The following PAPSS1 variants were observed in gnomAD, a reference collection of about 807,000 sequenced individuals.
The protein encoded by PAPSS1 is 3'-phosphoadenosine 5'-phosphosulfate synthase 1.
Under a neutral mutation model 72.0 loss-of-function variants are expected in PAPSS1, and 50 were observed. The ratio of observed to expected loss-of-function variants is 0.69; its 90% CI spans 0.55 to 0.88. The LOEUF is 0.88. PAPSS1 is among the 40% of genes least tolerant of loss of function. The pLI is 0.00. For missense variants in PAPSS1, 657 were observed against 782.2 expected, an observed-to-expected ratio of 0.84 and a Z score of 1.91; for synonymous variants, 261 against 263.6, an observed-to-expected ratio of 0.99 and a Z score of 0.09.
At chr4:107,704,075 G>A (rs551617072) in intron 1 of PAPSS1, among the ~76,000 whole-genome samples, 2 of 152,106 alleles carry the variant, frequency 1.3e-5, no homozygotes, top group East Asian at 3.9e-4. Context: ...TTGGTTAAAT[G>A]TATTCCCAAG....
chr4:107,691,497 C>T (rs1179364530), intron 3 of PAPSS1, among the ~76,000 whole-genome samples: 1 of 152,112 alleles, frequency 6.6e-6, no homozygotes, highest in Non-Finnish European at 1.5e-5. Context: ...CAGGGCTTCC[C>T]AAGGGAGTAT....
chr4:107,657,932 C>T (rs1490383947), intron 6 of PAPSS1, among the ~76,000 whole-genome samples: 1 of 152,032 alleles, frequency 6.6e-6, no homozygotes. Context: ...TTACAGTGCA[C>T]CCAAGCACAC....
At chr4:107,616,128 T>A (rs1725817889) in intron 11 of PAPSS1, among the ~76,000 whole-genome samples, 2 of 152,024 alleles carry the variant, frequency 1.3e-5, no homozygotes, top group Admixed American at 1.3e-4. Flanking sequence ...AAATATGCCC[T>A]ATGTAGTCAT....
intron 4 of PAPSS1, among the ~76,000 whole-genome samples, chr4:107,683,965 G>GACACAC (rs147421960): frequency 1.2e-5 from 1 of 80,658 alleles, no homozygotes; most frequent in Admixed American, 1.3e-4. Flanking sequence ...TATGCATACA[G>GACACAC]ACACACACAC....
Position 107,687,024 on chromosome 4 carries a change from G to A in PAPSS1, c.550+15C>T, listed in dbSNP as rs979493182. The A allele has an allele frequency of 5.0e-6, 8 of 1,592,308 alleles. No homozygotes were observed. Among genetic ancestry groups the A allele is most frequent in the East Asian group, 2.3e-5 (1 of 44,116 alleles). ...TATCTAAGCAAAGTGAAACTGGGAA[G>A]AAAATATTACTGACCTTTAATTTCT... is the stretch of plus-strand genomic sequence containing the variant. On this transcript the variant is annotated intron_variant, in intron 4 of 11. Coordinates refer to ENST00000265174, the MANE Select transcript of PAPSS1 (RefSeq NM_005443.5).
chr4:107,706,732 C>T (rs902142177), intron 1 of PAPSS1, among the ~76,000 whole-genome samples: 1 of 152,174 alleles, frequency 6.6e-6, no homozygotes, highest in Non-Finnish European at 1.5e-5. Context: ...GAGGTAGGGA[C>T]TGATTCCAGT....
Position 107,693,851 on chromosome 4 carries a change from G to A in PAPSS1, c.331C>T (p.Arg111Ter), listed in dbSNP as rs142366340. The A allele has an allele frequency of 3.3e-4, 528 of 1,613,854 alleles. No individual in the cohort carries two copies. The highest frequency in any genetic ancestry group is 1.7e-4 in the Middle Eastern group (1 of 6,056). Residue 111 changes from arginine to a stop codon, truncating the protein, a stop_gained, in exon 3 of 12, where the codon CGA (arginine) becomes TGA (stop). Coordinates refer to ENST00000265174, the MANE Select transcript of PAPSS1 (RefSeq NM_005443.5). LOFTEE classifies it high-confidence loss of function. The stretch of plus-strand genomic sequence containing the variant: ...AGTTTAGCAACTTCTGCGATGCGTC[G>A]AACATTCTCTTCTCTGTCTTCAGGA... ...FSPEDREENV[R>*]RIAEVAKLFA...
intron 6 of PAPSS1, 53 bp downstream of exon 6, chr4:107,659,906 A>C: frequency 1.0e-6 from 1 of 960,206 alleles, no homozygotes; most frequent in South Asian, 1.5e-5. Flanking sequence ...AATTTAACAA[A>C]CTACTGTATA....
intron 5 of PAPSS1, among the ~76,000 whole-genome samples, chr4:107,670,901 G>A (rs374094401): frequency 3.9e-5 from 6 of 151,908 alleles, no homozygotes; most frequent in South Asian, 2.1e-4. Context: ...GTTTTAGAGC[G>A]AAAAAAAGGA....
intron 3 of PAPSS1, among the ~76,000 whole-genome samples, chr4:107,687,610 G>C (rs1722819895): frequency 6.6e-6 from 1 of 151,874 alleles, no homozygotes; most frequent in South Asian, 2.1e-4. Flanking sequence ...CCAAATGCAA[G>C]CCCCCTGCAG....
At chr4:107,643,856 T>C (rs888959271) in intron 10 of PAPSS1, among the ~76,000 whole-genome samples, 1 of 152,218 alleles carries the variant, frequency 6.6e-6, no homozygotes, top group Admixed American at 6.5e-5. Flanking sequence ...TTTTCATATA[T>C]ACTTTCTCAT....
In PAPSS1 at chr4:107,664,048, T is replaced by C. The variant is rs78230790; in HGVS notation, c.670-3976A>G. On this transcript the variant is annotated intron_variant, in intron 5 of 11. Transcript: ENST00000265174. ...GTTCTATTAAAGACAAGTAAGCAATTTGCAACCAACTGTTCCAAACCCTGC... is the reference window on the plus strand; with the variant it reads ...GTTCTATTAAAGACAAGTAAGCAATCTGCAACCAACTGTTCCAAACCCTGC... Among the ~76,000 whole-genome samples the C allele has an allele frequency of 2.1e-3, 319 of 152,248 alleles. 3 individuals carry two copies. The highest frequency in any genetic ancestry group is 7.2e-3 in the African/African-American group (299 of 41,538).
chr4:107,681,670 A>G (rs1323024509), intron 5 of PAPSS1, among the ~76,000 whole-genome samples: 1 of 152,184 alleles, frequency 6.6e-6, no homozygotes, highest in African/African-American at 2.4e-5. Context: ...AACTTTGTAT[A>G]CCTCAAATGG....
At position 107,654,830 on chromosome 4, in the gene PAPSS1, G is replaced by T. The variant is rs1312117892; in HGVS notation, c.966C>A (p.Gly322=). 13 of 1,613,922 alleles carry T rather than the reference G, an allele frequency of 8.1e-6. No individual in the cohort carries two copies. In the South Asian group the frequency reaches 1.3e-4, roughly 16 times the overall value. The part of the protein sequence containing the change: ...ATHEDKERLD[G]CTAFALMYEG... ...CATACATCAGAGCAAATGCTGTACA[G>T]CCGTCCAGCCTCTCTTTATCTTCAT... The change falls in exon 8 of 12, where the codon GGC becomes GGA. Residue 322 remains glycine (G), a synonymous_variant. Coordinates refer to ENST00000265174, the MANE Select transcript of PAPSS1 (RefSeq NM_005443.5).
At chr4:107,647,151 T>A (rs562710272) in intron 9 of PAPSS1, among the ~76,000 whole-genome samples, 1 of 152,298 alleles carries the variant, frequency 6.6e-6, no homozygotes, top group Admixed American at 6.5e-5. Context: ...GCTTACAGTC[T>A]AGTCAGAGCA....
intron 2 of PAPSS1, among the ~76,000 whole-genome samples, chr4:107,698,255 T>C (rs925222607): frequency 1.3e-5 from 2 of 152,178 alleles, no homozygotes; most frequent in South Asian, 2.1e-4. Flanking sequence ...GTTAAGCATC[T>C]GAATTGCAAG....
At chr4:107,688,926 G>A (rs1325145292) in intron 3 of PAPSS1, among the ~76,000 whole-genome samples, 3 of 152,032 alleles carry the variant, frequency 2.0e-5, no homozygotes, top group African/African-American at 7.2e-5. Flanking sequence ...CCAAATCAAG[G>A]AAGACCACAC....
intron 5 of PAPSS1, among the ~76,000 whole-genome samples, chr4:107,674,064 G>A (rs1194331138): frequency 6.6e-6 from 1 of 152,136 alleles, no homozygotes; most frequent in South Asian, 2.1e-4. Flanking sequence ...ACATAGAAAG[G>A]AACAACCGGT....
chr4:107,709,605 C>T (rs1419637910), intron 1 of PAPSS1, among the ~76,000 whole-genome samples: 3 of 152,124 alleles, frequency 2.0e-5, no homozygotes, highest in African/African-American at 7.2e-5. Flanking sequence ...CAGATGACAT[C>T]GCTATTGTAG....
Sources: gnomAD v4.1 joint callset for allele counts (sites outside exome capture counted in the v4.1 genomes callset) on GRCh38, gnomAD v4.1.1 for gene constraint, MANE v1.5 for transcripts, NCBI Gene and HGNC (gene_info 2026-07-23, HGNC 2026-07-21) for gene names.